RPA3: variants seen among roughly 807,000 people sequenced by gnomAD.
The protein encoded by RPA3 is replication protein A 14 kDa subunit.
RPA3 carries 24 observed loss-of-function variants against 13.7 expected under a neutral mutation model. That is an observed-to-expected ratio of 1.75 (90% CI 1.27 to 2.46). The LOEUF (loss-of-function observed/expected upper bound fraction) is 2.46. Among genes scored for constraint, RPA3 ranks in the 30% most tolerant of loss-of-function variants. The pLI is 0.00. For synonymous variants in RPA3, 59 were observed against 51.2 expected (o/e 1.15, Z -0.65); for missense variants, 183 against 151.0 (o/e 1.21, Z -1.11).
At chr7:7,649,172 A>AG (rs1186590802) in intron 4 of RPA3, among the ~76,000 whole-genome samples, 3 of 143,172 alleles carry the variant, frequency 2.1e-5, no homozygotes, top group East Asian at 2.1e-4. Flanking sequence ...AAAAAAAAAA[A>AG]AAAAAAAGAA....
chr7:7,715,909 G>A (rs1314297533), intron 1 of RPA3, among the ~76,000 whole-genome samples: 3 of 152,152 alleles, frequency 2.0e-5, no homozygotes, highest in South Asian at 4.1e-4. Context: ...CTAAACTTTG[G>A]TGAAAACTAT....
At chr7:7,667,301 A>C (rs1246329923) in intron 4 of RPA3, among the ~76,000 whole-genome samples, 1 of 152,212 alleles carries the variant, frequency 6.6e-6, no homozygotes, top group Non-Finnish European at 1.5e-5. Context: ...AATTGAAAAA[A>C]ATACTGAAAA....
At chr7:7,680,329 G>T (rs964291795) in intron 4 of RPA3, among the ~76,000 whole-genome samples, 2 of 152,066 alleles carry the variant, frequency 1.3e-5, no homozygotes, top group African/African-American at 2.4e-5. Context: ...TGGCACCCTT[G>T]TTGAAAATGA....
chr7:7,645,264 A>G (rs760811861), intron 4 of RPA3, among the ~76,000 whole-genome samples: 33 of 152,172 alleles, frequency 2.2e-4, no homozygotes, highest in Non-Finnish European at 4.4e-4. Flanking sequence ...TTGAATAGAA[A>G]TAGTGTTTAA....
chr7:7,668,706 A>T (rs1426376063), intron 4 of RPA3, among the ~76,000 whole-genome samples: 1 of 152,228 alleles, frequency 6.6e-6, no homozygotes, highest in Admixed American at 6.5e-5. Flanking sequence ...ATAAAGATAA[A>T]AACTTTTCTA....
chr7:7,685,177 C>G (rs1385534255), intron 4 of RPA3, among the ~76,000 whole-genome samples: 1 of 152,070 alleles, frequency 6.6e-6, no homozygotes, highest in African/African-American at 2.4e-5. Flanking sequence ...ACCTGAATGT[C>G]TTTCTGGTAA....
intron 2 of RPA3, among the ~76,000 whole-genome samples, chr7:7,713,475 C>T (rs986859537): frequency 6.6e-6 from 1 of 151,972 alleles, no homozygotes; most frequent in Admixed American, 6.5e-5. Flanking sequence ...CTCCTCCCCC[C>T]CATGGCAATA....
rs1017881126 is a variant in RPA3 at position 7,678,034 on chromosome 7, G to C, written c.-758+7796C>G. Among the ~76,000 whole-genome samples the C allele has an allele frequency of 2.3e-4, 35 of 152,154 alleles. 1 individual carries two copies. Among genetic ancestry groups the C allele is most frequent in the South Asian group, 1.7e-3 (8 of 4,826 alleles). On this transcript the variant is annotated intron_variant, in intron 4 of 7. Transcript: ENST00000223129. ...TTCTATATGTTGGCTATTGTGAATA[G>C]TACTGCAATAAACATGGGAATGTGG...
intron 2 of RPA3, among the ~76,000 whole-genome samples, chr7:7,701,368 A>C (rs1463807094): frequency 1.3e-5 from 2 of 151,910 alleles, no homozygotes; most frequent in African/African-American, 4.9e-5. Context: ...TTGCTAGAAG[A>C]AAACAAAGCA....
chr7:7,641,032 C>T lies in RPA3; in HGVS notation c.-614G>A, dbSNP rs1332343625. 3 of 152,682 alleles carry T rather than the reference C, an allele frequency of 2.0e-5. No homozygotes were observed. The highest frequency in any genetic ancestry group is 2.9e-5 in the Non-Finnish European group (2 of 68,192). 9.5% of individuals were successfully genotyped at this position (152,682 alleles called of 1,614,324 possible). A position where few individuals can be genotyped will look rare whatever the true frequency, so the allele number is the denominator to read the frequency against. Reference sequence around the variant, plus strand: ...TGCGGAATGATACGTGGTGTGGCGTCGGGGTTGTGATACCCGCCCCCTTGG... The same window carrying T: ...TGCGGAATGATACGTGGTGTGGCGTTGGGGTTGTGATACCCGCCCCCTTGG... On this transcript the variant is annotated 5_prime_UTR_variant, in exon 5 of 8. Transcript: ENST00000223129.
At chr7:7,695,843 A>G (rs1326208834) in intron 2 of RPA3, among the ~76,000 whole-genome samples, 2 of 152,194 alleles carry the variant, frequency 1.3e-5, no homozygotes, top group Non-Finnish European at 2.9e-5. Flanking sequence ...TTATAAGTTA[A>G]GCAGCAGTGT....
At chr7:7,652,617 G>A (rs145401505) in intron 4 of RPA3, among the ~76,000 whole-genome samples, 3 of 152,342 alleles carry the variant, frequency 2.0e-5, no homozygotes, top group East Asian at 1.9e-4. Context: ...AAAGAGGCAG[G>A]AAGTAGATTG....
intron 2 of RPA3, among the ~76,000 whole-genome samples, 175 bp downstream of exon 2, chr7:7,715,000 G>A (rs1393656750): frequency 6.6e-6 from 1 of 151,902 alleles, no homozygotes; most frequent in Admixed American, 6.6e-5. Flanking sequence ...GCCATAGGCA[G>A]CAATGAAACT....
rs188345972 is a variant in RPA3, at chr7:7,711,607, T to C, written c.-1028+3568A>G. 3.2e-3 allele frequency among the ~76,000 whole-genome samples: 488 copies of C among 152,284 alleles called. 5 individuals are homozygous for C. Among genetic ancestry groups the C allele is most frequent in the Admixed American group, 0.014 (218 of 15,296 alleles). On this transcript the variant is annotated intron_variant, in intron 2 of 7. Transcript: ENST00000223129. ...TACATTTTCTTGTTTATAATGGAAT[T>C]GGACATTTTTATTTATGTTTAATAG...
chr7:7,638,123 T>A, intron 6 of RPA3, 151 bp from the exon 7 acceptor site: 1 of 532,124 alleles, frequency 1.9e-6, no homozygotes, highest in Non-Finnish European at 3.3e-6. Context: ...TGTAACTTGT[T>A]AACAAATGTT....
intron 4 of RPA3, among the ~76,000 whole-genome samples, chr7:7,651,963 T>G (rs1484412416): frequency 6.6e-6 from 1 of 152,088 alleles, no homozygotes; most frequent in African/African-American, 2.4e-5. Flanking sequence ...GACTCCTCCC[T>G]CTCTCCCCTT....
chr7:7,660,776 G>A (rs939229837), intron 4 of RPA3, among the ~76,000 whole-genome samples: 3 of 151,724 alleles, frequency 2.0e-5, no homozygotes, highest in African/African-American at 4.8e-5. Context: ...GCAATTATGT[G>A]TCTTGAGGTT....
intron 4 of RPA3, among the ~76,000 whole-genome samples, chr7:7,679,721 T>TAC (rs1184114830): frequency 7.1e-6 from 1 of 140,740 alleles, no homozygotes; most frequent in Non-Finnish European, 1.5e-5. Context: ...AATATATATA[T>TAC]ATATATATAT....
chr7:7,688,356 A>C (rs1266007153), intron 2 of RPA3, among the ~76,000 whole-genome samples: 1 of 152,140 alleles, frequency 6.6e-6, no homozygotes. Flanking sequence ...CAGAAAGTAG[A>C]ATGTGAGAAC....
Sources: allele counts gnomAD v4.1 joint callset (sites outside exome capture counted in the v4.1 genomes callset), GRCh38; gene constraint gnomAD v4.1.1; transcripts MANE v1.5; gene names NCBI Gene and HGNC (gene_info 2026-07-23, HGNC 2026-07-21).